Variants in CSF3R observed in about 807,000 individuals in gnomAD.
CSF3R encodes the protein granulocyte colony-stimulating factor receptor.
Under a neutral mutation model 84.4 loss-of-function variants are expected in CSF3R, and 52 were observed. That is an observed-to-expected ratio of 0.62 (90% confidence interval 0.49 to 0.78). The LOEUF is 0.78. CSF3R is among the 30% of genes least tolerant of loss of function. The pLI is 0.00. For synonymous variants in CSF3R, 384 were observed against 429.1 expected (o/e 0.89, Z 1.30); for missense variants, 890 against 1,055.7 (o/e 0.84, Z 2.17).
rs1650422679 is a variant in CSF3R, at chr1:36,467,738, T to C, written c.1864+84A>G. Reference sequence around the variant, plus strand: ...CTCCGACCAGGGGATTCAAAGTCAGTCCCCAGCTACTCTCAAAATCAGCAT... The same window carrying C: ...CTCCGACCAGGGGATTCAAAGTCAGCCCCCAGCTACTCTCAAAATCAGCAT... On this transcript the variant is annotated intron_variant, in intron 14 of 16. Coordinates refer to ENST00000373106, the MANE Select transcript of CSF3R (RefSeq NM_000760.4). The surrounding 1 kb of genome is among the most constrained non-coding windows in gnomAD (Gnocchi z 4.1). 3 of 1,612,674 alleles carry C rather than the reference T, an allele frequency of 1.9e-6. No homozygotes were observed. Among genetic ancestry groups the C allele is most frequent in the Admixed American group, 3.3e-5 (2 of 60,002 alleles).
In CSF3R at chr1:36,466,572, G is replaced by T. The variant is rs1650327535; in HGVS notation, c.2296C>A (p.His766Asn). 1.2e-6 allele frequency: 2 copies of T among 1,611,098 alleles called. No homozygotes were observed. Among genetic ancestry groups the T allele is most frequent in the African/African-American group, 1.3e-5 (1 of 74,870 alleles). ...LGSPTSPGPG[H>N]YLRCDSTQPL... is the part of the protein sequence containing the mutation. Reference sequence around the variant, plus strand: ...TGAGTGGAGTCACAGCGGAGATAGTGCCCTGGCCCTGGGCTTGTGGGGCTG... The same window carrying T: ...TGAGTGGAGTCACAGCGGAGATAGTTCCCTGGCCCTGGGCTTGTGGGGCTG... Residue 766 changes from histidine (H) to asparagine (N), a missense_variant, in exon 17 of 17, where the codon CAC (histidine) becomes AAC (asparagine). By Grantham distance (68) the His-to-Asn change is moderately conservative. Transcript: ENST00000373106. This position sits in a 1 kb window ranked among gnomAD's most constrained non-coding sequence, Gnocchi z 4.6.
rs1650841565 is a variant in CSF3R at position 36,472,578 on chromosome 1, T to C, written c.782A>G (p.His261Arg). 1 of 1,613,978 alleles carries C rather than the reference T, an allele frequency of 6.2e-7. No individual in the cohort carries two copies. Among genetic ancestry groups the C allele is most frequent in the Admixed American group, 1.7e-5 (1 of 60,000 alleles). ...LCWEPWQPGLHINQKCELRHK... is the reference protein window; with the variant it reads ...LCWEPWQPGLRINQKCELRHK... ...GCGCAGCTCACACTTCTGATTTATG[T>C]GCAGGCCTGGCTGCCATGGCTCCCA... Residue 261 changes from histidine to arginine, a missense_variant, in exon 7 of 17, where the codon CAC becomes CGC. Coordinates refer to ENST00000373106, the MANE Select transcript of CSF3R (RefSeq NM_000760.4). This position sits in a 1 kb window ranked among gnomAD's most constrained non-coding sequence, Gnocchi z 5.0.
chr1:36,469,127 T>C, intron 12 of CSF3R, 29 bp downstream of exon 12: 1 of 1,528,944 alleles, frequency 6.5e-7, no homozygotes. Context: ...AGGAGAGGAT[T>C]CTGGAAAGGG....
In CSF3R at chr1:36,469,717, G is replaced by A. The variant is rs781634406; in HGVS notation, c.1409C>T (p.Ala470Val). 1.2e-5 allele frequency: 19 copies of A among 1,614,038 alleles called. No individual in the cohort carries two copies. In the Admixed American group the frequency reaches 1.8e-4, roughly 16 times the overall value. ...VIEWGLGPPS[A>V]SNSNKTWRME... is the part of the protein sequence containing the mutation. ...CCTCCAGGTCTTGTTGCTATTGCTC[G>A]CGCTGGGGGGGCCCAGGCCCCACTC... The change falls in exon 11 of 17, where the codon GCG (alanine) becomes GTG (valine). Residue 470 changes from alanine to valine, a missense_variant. Ala to Val is a moderately conservative substitution (Grantham distance 64, BLOSUM62 0). Transcript: ENST00000373106.
At position 36,473,616 on chromosome 1, in the gene CSF3R, C is replaced by G; in HGVS notation, c.492G>C (p.Arg164=). The part of the protein sequence containing the change: ...TSFTLKSFKS[R]GNCQTQGDSI... ...AGTCCCCTTGGGTCTGACAGTTGCC[C>G]CGGCTCCTGCCAATAGTCCAGGCTT... The change falls in exon 6 of 17, where the codon CGG becomes CGC. Residue 164 remains arginine (R), a synonymous_variant. Coordinates refer to ENST00000373106, the MANE Select transcript of CSF3R (RefSeq NM_000760.4). 2 of 1,614,000 alleles carry G rather than the reference C, an allele frequency of 1.2e-6. No individual in the cohort carries two copies. The highest frequency in any genetic ancestry group is 1.7e-6 in the Non-Finnish European group (2 of 1,180,038).
intron 6 of CSF3R, 86 bp downstream of exon 6, chr1:36,473,349 G>A (rs1650901772): frequency 2.0e-6 from 3 of 1,479,178 alleles, no homozygotes; most frequent in African/African-American, 1.4e-5. Flanking sequence ...GTGTCTTCTT[G>A]TCTGTCGCTA....
At chr1:36,478,191 C>T (rs765776078) in intron 3 of CSF3R, among the ~76,000 whole-genome samples, 1 of 152,094 alleles carries the variant, frequency 6.6e-6, no homozygotes, top group Non-Finnish European at 1.5e-5. Flanking sequence ...ATGTTTCTTA[C>T]ATTTTAAAAG....
chr1:36,479,067 T>C (rs1217384302), intron 3 of CSF3R: 5 of 360,174 alleles, frequency 1.4e-5, no homozygotes, highest in Middle Eastern at 9.3e-4. Flanking sequence ...TGCCTGGGCT[T>C]CTTTATTTCA....
In CSF3R at chr1:36,471,499, C is replaced by A. The variant is rs1052146737; in HGVS notation, c.1219G>T (p.Ala407Ser). 6.2e-7 allele frequency: 1 copy of A among 1,614,238 alleles called. No individual in the cohort carries two copies. Among genetic ancestry groups the A allele is most frequent in the African/African-American group, 1.3e-5 (1 of 75,062 alleles). Residue 407 changes from alanine (A) to serine (S), a missense_variant, in exon 10 of 17, where the codon GCC (alanine) becomes TCC (serine). Ala to Ser is a moderately conservative substitution (Grantham distance 99). Coordinates refer to ENST00000373106, the MANE Select transcript of CSF3R (RefSeq NM_000760.4). Reference sequence around the variant, plus strand: ...CCGGCTGAGTTATAGGCCACAAGGGCCACCTCCTGGGCTTCTGAAGGCAGG... The same window carrying A: ...CCGGCTGAGTTATAGGCCACAAGGGACACCTCCTGGGCTTCTGAAGGCAGG... ...FHLPSEAQEV[A>S]LVAYNSAGTS...
intron 3 of CSF3R, among the ~76,000 whole-genome samples, chr1:36,476,661 TTTTTC>T (rs1175897177): frequency 6.6e-6 from 1 of 151,982 alleles, no homozygotes; most frequent in Non-Finnish European, 1.5e-5. Flanking sequence ...TTTGGTTTTC[TTTTTC>T]TTTTCTTTTT....
rs1238212758 is a variant in CSF3R at position 36,466,559 on chromosome 1, C to T, written c.2309G>A (p.Cys770Tyr). 6.2e-7 allele frequency: 1 copy of T among 1,610,120 alleles called. No individual in the cohort carries two copies. The highest frequency in any genetic ancestry group is 1.7e-5 in the Admixed American group (1 of 59,714). Residue 770 changes from cysteine (C) to tyrosine (Y), a missense_variant, in exon 17 of 17, where the codon TGT becomes TAT. By Grantham distance (194) the Cys-to-Tyr change is radical. Coordinates refer to ENST00000373106, the MANE Select transcript of CSF3R (RefSeq NM_000760.4). The surrounding 1 kb of genome is among the most constrained non-coding windows in gnomAD (Gnocchi z 4.6). ...TSPGPGHYLRCDSTQPLLAGL... is the reference protein window; with the variant it reads ...TSPGPGHYLRYDSTQPLLAGL... ...CGCCAAGAGGGGCTGAGTGGAGTCACAGCGGAGATAGTGCCCTGGCCCTGG... is the reference window on the plus strand; with the variant it reads ...CGCCAAGAGGGGCTGAGTGGAGTCATAGCGGAGATAGTGCCCTGGCCCTGG...
At position 36,472,350 on chromosome 1, in the gene CSF3R, G is replaced by GCAGAGCT. The variant is rs1650815272; in HGVS notation, c.878_884dup (p.Cys295Ter). 1 of 1,613,980 alleles carries GCAGAGCT rather than the reference G, an allele frequency of 6.2e-7. No homozygotes were observed. Among genetic ancestry groups the GCAGAGCT allele is most frequent in the Non-Finnish European group, 8.5e-7 (1 of 1,180,024 alleles). On this transcript the variant is annotated stop_gained and frameshift_variant, in exon 8 of 17. Transcript: ENST00000373106. LOFTEE classifies it high-confidence loss of function. This position sits in a 1 kb window ranked among gnomAD's most constrained non-coding sequence, Gnocchi z 5.0. ...TGTAGGCCGTGGCTGGGAGGAGCCC[G>GCAGAGCT]CAGAGCTCATACTGAAGGGCCTCCA... is the stretch of plus-strand genomic sequence containing the variant.
At chr1:36,476,119 C>T (rs2124139343) in intron 3 of CSF3R, 1 of 161,054 alleles carries the variant, frequency 6.2e-6, no homozygotes, top group Non-Finnish European at 1.4e-5. Flanking sequence ...GTGATAAGAA[C>T]CCATAGCCAC....
At chr1:36,482,723 A>C (rs1214108777) in intron 1 of CSF3R, 88 bp downstream of exon 1, 1 of 152,218 alleles carries the variant, frequency 6.6e-6, no homozygotes, top group Non-Finnish European at 1.5e-5. Flanking sequence ...GGACATGAAC[A>C]CTTGGCAGAG....
At position 36,467,025 on chromosome 1, in the gene CSF3R, G is replaced by T; in HGVS notation, c.2041-198C>A. 1.4e-6 allele frequency: 2 copies of T among 1,407,398 alleles called. No individual in the cohort carries two copies. Among genetic ancestry groups the T allele is most frequent in the Non-Finnish European group, 2.0e-6 (2 of 1,018,688 alleles). 87.2% of individuals were successfully genotyped at this position (1,407,398 alleles called of 1,614,324 possible). ...CCATGCACCGTTCAGACTCAGCATGGTCAGTTTTTCCATATCACAGGGAGG... is the reference window on the plus strand; with the variant it reads ...CCATGCACCGTTCAGACTCAGCATGTTCAGTTTTTCCATATCACAGGGAGG... On this transcript the variant is annotated intron_variant, in intron 16 of 16. Coordinates refer to ENST00000373106, the MANE Select transcript of CSF3R (RefSeq NM_000760.4). The surrounding 1 kb of genome is among the most constrained non-coding windows in gnomAD (Gnocchi z 4.1).
intron 2 of CSF3R, chr1:36,479,876 G>T: frequency 2.8e-6 from 1 of 352,528 alleles, no homozygotes; most frequent in Non-Finnish European, 5.6e-6. Context: ...ATGAGGAATT[G>T]CATGCTGGTA....
At chr1:36,473,178 G>A (rs1650893687) in intron 6 of CSF3R, 1 of 557,892 alleles carries the variant, frequency 1.8e-6, no homozygotes, top group East Asian at 3.0e-5. Flanking sequence ...TGCCTAACAT[G>A]TAGTGGGTGC....
At position 36,466,628 on chromosome 1, in the gene CSF3R, C is replaced by A; in HGVS notation, c.2240G>T (p.Ser747Ile). ...STQPQSQSGT[S>I]DQVLYGQLLG... Reference sequence around the variant, plus strand: ...CAGCTGCCCATAAAGGACCTGATCGCTGGTGCCAGACTGGGATTGGGGCTG... The same window carrying A: ...CAGCTGCCCATAAAGGACCTGATCGATGGTGCCAGACTGGGATTGGGGCTG... Residue 747 changes from serine (S) to isoleucine (I), a missense_variant, in exon 17 of 17, where the codon AGC becomes ATC. Ser to Ile is a moderately radical substitution (Grantham distance 142). Coordinates refer to ENST00000373106, the MANE Select transcript of CSF3R (RefSeq NM_000760.4). This position sits in a 1 kb window ranked among gnomAD's most constrained non-coding sequence, Gnocchi z 4.6. 1 of 1,614,086 alleles carries A rather than the reference C, an allele frequency of 6.2e-7. No individual in the cohort carries two copies. The highest frequency in any genetic ancestry group is 8.5e-7 in the Non-Finnish European group (1 of 1,179,970).
At chr1:36,481,012 C>T (rs1284581347) in intron 2 of CSF3R, among the ~76,000 whole-genome samples, 1 of 152,194 alleles carries the variant, frequency 6.6e-6, no homozygotes, top group Non-Finnish European at 1.5e-5. Context: ...CATCTGTCTA[C>T]CCATCGGTGG....
Sources: gnomAD v4.1 joint callset for allele counts (sites outside exome capture counted in the v4.1 genomes callset) on GRCh38, gnomAD v4.1.1 for gene constraint, Gnocchi (gnomAD v3.1) non-coding constraint, MANE v1.5 for transcripts, NCBI Gene and HGNC (gene_info 2026-07-23, HGNC 2026-07-21) for gene names.